The following ADGRV1 variants were observed in gnomAD, a reference collection of about 807,000 sequenced individuals.
The protein encoded by ADGRV1 is adhesion G protein-coupled receptor V1, also known as G-protein coupled receptor 98.
ADGRV1 carries 359 observed loss-of-function variants against 596.2 expected under a neutral mutation model. The observed-to-expected ratio is 0.60, with a 90% CI of 0.55 to 0.66. ADGRV1 has a LOEUF of 0.66. Among genes scored for constraint, ADGRV1 ranks in the 30% least tolerant of loss-of-function variants. ADGRV1 has a pLI of 0.00. For missense variants in ADGRV1, 7,274 were observed against 7,575.6 expected (o/e 0.96, Z 1.48); for synonymous variants, 2,681 against 2,679.2 (o/e 1.00, Z -0.02).
chr5:90,963,596 A>G (rs937742309), intron 83 of ADGRV1, among the ~76,000 whole-genome samples: 15 of 151,982 alleles, frequency 9.9e-5, no homozygotes, highest in African/African-American at 3.6e-4. Context: ...CAAATGCACC[A>G]AATCTAGGGC....
chr5:90,580,101 AC>A (rs1054714566), intron 1 of ADGRV1, among the ~76,000 whole-genome samples: 4 of 151,950 alleles, frequency 2.6e-5, no homozygotes, highest in African/African-American at 9.7e-5. Context: ...GGGGCATTTA[AC>A]CCATTTACAT....
At chr5:91,112,470 A>G (rs558416510) in intron 87 of ADGRV1, among the ~76,000 whole-genome samples, 132 of 152,302 alleles carry the variant, frequency 8.7e-4, no homozygotes, top group Non-Finnish European at 1.7e-3. Flanking sequence ...GCACACTCCA[A>G]TACTTGAAAG....
chr5:90,951,954 A>G (rs1366695030), intron 83 of ADGRV1, among the ~76,000 whole-genome samples: 1 of 152,222 alleles, frequency 6.6e-6, no homozygotes, highest in African/African-American at 2.4e-5. Context: ...TAATACTGTC[A>G]TGCAAATCAG....
intron 41 of ADGRV1, 52 bp downstream of exon 41, chr5:90,711,374 T>G: frequency 1.4e-6 from 2 of 1,433,118 alleles, no homozygotes; most frequent in Non-Finnish European, 9.5e-7. Context: ...TTTATAATCA[T>G]TATTCCTTGA....
chr5:90,920,882 C>G (rs1773816622), intron 83 of ADGRV1, among the ~76,000 whole-genome samples: 1 of 152,134 alleles, frequency 6.6e-6, no homozygotes, highest in African/African-American at 2.4e-5. Flanking sequence ...TTGTCATTTT[C>G]TATTTCTCAT....
intron 25 of ADGRV1, chr5:90,676,898 G>T (rs927172738): frequency 2.0e-5 from 3 of 152,118 alleles, no homozygotes; most frequent in Non-Finnish European, 4.4e-5. Context: ...ATTATCAAGG[G>T]TTATTGGAGT....
At chr5:90,561,251 C>G (rs1731222395) in intron 1 of ADGRV1, among the ~76,000 whole-genome samples, 1 of 152,098 alleles carries the variant, frequency 6.6e-6, no homozygotes, top group African/African-American at 2.4e-5. Context: ...AATTCTTAGG[C>G]TGTGAATGTA....
intron 17 of ADGRV1, 41 bp downstream of exon 17, chr5:90,647,805 G>A: frequency 1.9e-6 from 3 of 1,559,734 alleles, no homozygotes; most frequent in Non-Finnish European, 1.7e-6. Context: ...CTGCCTCAGT[G>A]CTTTAATAAG....
intron 15 of ADGRV1, 61 bp downstream of exon 15, chr5:90,644,930 T>A: frequency 3.6e-6 from 4 of 1,114,564 alleles, no homozygotes; most frequent in Non-Finnish European, 5.0e-6. Context: ...TTATTTTTTA[T>A]TAAATAATTA....
In ADGRV1 at chr5:90,880,150, C is replaced by T. The variant is rs142523001; in HGVS notation, c.17856+16293C>T. ...CAATAGTGCTATCAGTAGACATTGC[C>T]ATCCTCATTTTATACTAAATAAACT... On this transcript the variant is annotated intron_variant, in intron 83 of 89. Transcript: ENST00000405460. Among the ~76,000 whole-genome samples, 466 of 152,108 alleles carry T rather than the reference C, an allele frequency of 3.1e-3. 2 individuals are homozygous for T. Among genetic ancestry groups the T allele is most frequent in the Middle Eastern group, 0.017 (5 of 294 alleles).
rs754609097 is a variant in ADGRV1 at position 90,783,267 on chromosome 5, T to C, written c.13375T>C (p.Phe4459Leu). 1.2e-6 allele frequency: 2 copies of C among 1,613,454 alleles called. No homozygotes were observed. Among genetic ancestry groups the C allele is most frequent in the Admixed American group, 1.7e-5 (1 of 59,964 alleles). Residue 4459 changes from phenylalanine (F) to leucine (L), a missense_variant, in exon 66 of 90, where the codon TTT (phenylalanine) becomes CTT (leucine). Phe to Leu is a conservative substitution (Grantham distance 22). Transcript: ENST00000405460. ...DYILHGSTVT[F>L]QHGQNLSFIN... ...CATTTTGCATGGCAGTACAGTCACCTTTCAGCATGGGCAAAACTTAAGTTT... is the reference window on the plus strand; with the variant it reads ...CATTTTGCATGGCAGTACAGTCACCCTTCAGCATGGGCAAAACTTAAGTTT...
intron 1 of ADGRV1, among the ~76,000 whole-genome samples, chr5:90,597,631 A>C (rs1298861305): frequency 6.6e-6 from 1 of 152,172 alleles, no homozygotes; most frequent in Non-Finnish European, 1.5e-5. Flanking sequence ...AGGGAGTTGA[A>C]GTGGAAGCTT....
In ADGRV1 at chr5:90,579,976, C is replaced by T. The variant is rs188717468; in HGVS notation, c.22+21059C>T. ...TTCCATTTGCTTGGTAGATCTTCCT[C>T]CGTCCCTTTATTTTGAGCCTATGTG... On this transcript the variant is annotated intron_variant, in intron 1 of 89. Transcript: ENST00000405460. 2.7e-3 allele frequency among the ~76,000 whole-genome samples: 417 copies of T among 152,226 alleles called. 4 individuals are homozygous for T. The highest frequency in any genetic ancestry group is 4.2e-3 in the Non-Finnish European group (284 of 68,024).
At chr5:90,989,148 A>G (rs950386187) in intron 85 of ADGRV1, among the ~76,000 whole-genome samples, 7 of 152,010 alleles carry the variant, frequency 4.6e-5, no homozygotes, top group Non-Finnish European at 7.4e-5. Context: ...TCCTTTGGGT[A>G]TATACCCAGT....
Position 90,642,708 on chromosome 5 carries a change from C to A in ADGRV1, c.2313C>A (p.Asp771Glu). The A allele has an allele frequency of 1.9e-6, 3 of 1,613,496 alleles. No homozygotes were observed. Among genetic ancestry groups the A allele is most frequent in the Non-Finnish European group, 2.5e-6 (3 of 1,179,566 alleles). ...ACCTAATTATTTTGGAAAATGATGA[C>A]CCTGGGGGAGTTTTTGAATTTTCTC... ...SRDLIILEND[D>E]PGGVFEFSPA... Residue 771 changes from aspartate to glutamate, a missense_variant, in exon 12 of 90, where the codon GAC (aspartate) becomes GAA (glutamate). By Grantham distance (45) the Asp-to-Glu change is conservative (BLOSUM62 2). Transcript: ENST00000405460.
chr5:91,072,453 T>C lies in ADGRV1; in HGVS notation c.18159T>C (p.Phe6053=). The C allele has an allele frequency of 6.2e-7, 1 of 1,613,630 alleles. No homozygotes were observed. The highest frequency in any genetic ancestry group is 8.5e-7 in the Non-Finnish European group (1 of 1,179,564). The change falls in exon 86 of 90, where the codon TTT becomes TTC. Residue 6053 remains phenylalanine, a synonymous_variant. Transcript: ENST00000405460. ...CTTCTCATTTCTCTTCCAGGTGTTT[T>C]ATTCCAAACGTCTATGCTGCTTTGT... ...IYGLIHGDLC[F]IPNVYAALFT...
At position 90,745,635 on chromosome 5, in the gene ADGRV1, TAGC is replaced by T; in HGVS notation, c.10817_10819del (p.Ala3606del). 6.2e-7 allele frequency: 1 copy of T among 1,612,840 alleles called. No individual in the cohort carries two copies. Among genetic ancestry groups the T allele is most frequent in the Non-Finnish European group, 8.5e-7 (1 of 1,179,254 alleles). On this transcript the variant is annotated inframe_deletion, in exon 52 of 90. Transcript: ENST00000405460. ...GAACCTGGTGAGAGAGAAGCTACAA[TAGC>T]AGTAAATATCCTTGATGATACAGTT...
At chr5:91,115,582 T>C (rs1792780845) in intron 87 of ADGRV1, among the ~76,000 whole-genome samples, 1 of 152,188 alleles carries the variant, frequency 6.6e-6, no homozygotes, top group Admixed American at 6.5e-5. Context: ...AATTGAAGAT[T>C]GAGCTTCAGA....
intron 39 of ADGRV1, among the ~76,000 whole-genome samples, 199 bp downstream of exon 39, chr5:90,709,108 A>T (rs920197368): frequency 1.3e-5 from 2 of 152,182 alleles, no homozygotes; most frequent in African/African-American, 4.8e-5. Flanking sequence ...ATTAAAAATT[A>T]TTGTGTGATG....
Sources: allele counts gnomAD v4.1 joint callset (sites outside exome capture counted in the v4.1 genomes callset), GRCh38; gene constraint gnomAD v4.1.1; transcripts MANE v1.5; gene names NCBI Gene and HGNC (gene_info 2026-07-23, HGNC 2026-07-21).